The following NXPE4 variants were observed in gnomAD, a reference collection of about 807,000 sequenced individuals.
The protein encoded by NXPE4 is NXPE family member 4.
In NXPE4, 42 loss-of-function variants were observed where a neutral mutation model predicts 33.3. That is an observed-to-expected ratio of 1.26 (90% CI 0.98 to 1.63). The LOEUF (loss-of-function observed/expected upper bound fraction) is 1.63. NXPE4 is among the 40% of genes most tolerant of loss of function. The pLI is 0.00. For synonymous variants in NXPE4, 253 were observed against 234.9 expected (o/e 1.08, Z -0.71); for missense variants, 709 against 647.6 (o/e 1.09, Z -1.03).
the NXPE4 span, among the ~76,000 whole-genome samples, chr11:114,646,285 A>AT: frequency 2.6e-5 from 4 of 151,580 alleles, no homozygotes; most frequent in African/African-American, 7.3e-5. Flanking sequence ...TTTTTCAAGA[A>AT]TTTTTTTCAT....
chr11:114,596,810 TG>T (rs1949577524), upstream of NXPE4, among the ~76,000 whole-genome samples: 1 of 152,200 alleles, frequency 6.6e-6, no homozygotes, highest in Non-Finnish European at 1.5e-5. Flanking sequence ...GATTTTAATT[TG>T]GTTTGGTCAC....
At chr11:114,610,990 C>A in the NXPE4 span, among the ~76,000 whole-genome samples, 2 of 151,326 alleles carry the variant, frequency 1.3e-5, no homozygotes, top group Admixed American at 6.6e-5. Flanking sequence ...ACCACTGTTA[C>A]CCACTGGATA....
the NXPE4 span, among the ~76,000 whole-genome samples, chr11:114,608,848 G>A: frequency 6.6e-6 from 1 of 151,784 alleles, no homozygotes; most frequent in Non-Finnish European, 1.5e-5. Flanking sequence ...AATAAGTGTT[G>A]CCTTGTGGGT....
chr11:114,617,160 C>A, the NXPE4 span, among the ~76,000 whole-genome samples: 173 of 151,828 alleles, frequency 1.1e-3, no homozygotes, highest in Non-Finnish European at 2.1e-3. Flanking sequence ...TTGTGGGTAA[C>A]CATTGTTACC....
chr11:114,596,523 A>G (rs1949574748), upstream of NXPE4, among the ~76,000 whole-genome samples: 1 of 152,164 alleles, frequency 6.6e-6, no homozygotes, highest in Non-Finnish European at 1.5e-5. Context: ...CAGTTTCACA[A>G]CTGGTCTACT....
Position 114,570,970 on chromosome 11 carries a change from G to A in NXPE4, c.1603C>T (p.Gln535Ter). 2 of 1,608,714 alleles carry A rather than the reference G, an allele frequency of 1.2e-6. No individual in the cohort carries two copies. The highest frequency in any genetic ancestry group is 1.1e-5 in the South Asian group (1 of 90,566). ...ATATAGTTTAATAATATATTAATCT[G>A]ATTTCCGACTACATGTTGAGGTGGG... ...VHPPQHVVGN[Q>*]INILLNYIC Residue 535 changes from glutamine to a stop codon, truncating the protein, a stop_gained, in exon 6 of 6, where the codon CAG becomes TAG. Transcript: ENST00000375478. LOFTEE classifies it high-confidence loss of function.
At chr11:114,599,316 G>A (rs1949612655), upstream of NXPE4, among the ~76,000 whole-genome samples, 1 of 152,058 alleles carries the variant, frequency 6.6e-6, no homozygotes, top group East Asian at 1.9e-4. Flanking sequence ...GGACTTCATT[G>A]TCCATATCAC....
rs537084499 is a variant in NXPE4, at chr11:114,589,360, TC to T, written c.96+5303del. On this transcript the variant is annotated intron_variant, in intron 2 of 5. Transcript: ENST00000375478. ...CTGAAGGAAGGAAGGTGGACCTCCT[TC>T]TGGACACCAGAGCCAGCCTCTTTTC... is the stretch of plus-strand genomic sequence containing the variant. Among the ~76,000 whole-genome samples, 57 of 152,214 alleles carry T rather than the reference TC, an allele frequency of 3.7e-4. No individual in the cohort carries two copies. In the South Asian group the frequency reaches 0.011, roughly 29 times the overall value.
chr11:114,598,508 G>A (rs1045232926), upstream of NXPE4, among the ~76,000 whole-genome samples: 1 of 152,340 alleles, frequency 6.6e-6, no homozygotes, highest in African/African-American at 2.4e-5. Context: ...CTTCTGCCTG[G>A]ACATATAGGC....
At chr11:114,634,072 T>C in the NXPE4 span, among the ~76,000 whole-genome samples, 101,463 of 150,776 alleles carry the variant, frequency 0.67, 34,525 homozygotes, top group African/African-American at 0.75. Context: ...AGTTTACAGT[T>C]CCACCAACAG....
the NXPE4 span, among the ~76,000 whole-genome samples, chr11:114,639,277 C>A: frequency 6.6e-6 from 1 of 151,330 alleles, no homozygotes; most frequent in Admixed American, 6.6e-5. Context: ...GAGCCAGGTG[C>A]AGGATATAAT....
chr11:114,605,567 CG>C, the NXPE4 span, among the ~76,000 whole-genome samples: 1 of 150,422 alleles, frequency 6.6e-6, no homozygotes, highest in Non-Finnish European at 1.5e-5. Context: ...CACTGTTACC[CG>C]GTGGATAATA....
At chr11:114,670,828 A>C in the NXPE4 span, among the ~76,000 whole-genome samples, 12 of 152,002 alleles carry the variant, frequency 7.9e-5, no homozygotes, top group Admixed American at 4.6e-4. Context: ...AGACATGCAA[A>C]GAAACAGGAG....
the NXPE4 span, among the ~76,000 whole-genome samples, chr11:114,611,413 A>G: frequency 6.6e-6 from 1 of 150,812 alleles, no homozygotes; most frequent in African/African-American, 2.4e-5. Flanking sequence ...AGTGGATAAT[A>G]AGTATTGCCT....
the NXPE4 span, among the ~76,000 whole-genome samples, chr11:114,632,053 A>T: frequency 7.0e-6 from 1 of 142,626 alleles, no homozygotes; most frequent in Non-Finnish European, 1.5e-5. Flanking sequence ...ATAATTTAAT[A>T]ATATGTAAGA....
chr11:114,591,249 A>G (rs1049173241), intron 2 of NXPE4, among the ~76,000 whole-genome samples: 5 of 152,206 alleles, frequency 3.3e-5, no homozygotes, highest in Admixed American at 2.6e-4. Context: ...TAAGCAAGGG[A>G]AAGGTAGCTA....
At chr11:114,597,152 T>C (rs907887219), upstream of NXPE4, among the ~76,000 whole-genome samples, 6 of 152,150 alleles carry the variant, frequency 3.9e-5, no homozygotes, top group Admixed American at 3.9e-4. Flanking sequence ...ATTGTAACCC[T>C]GGTATAACCA....
chr11:114,651,051 A>G, the NXPE4 span, among the ~76,000 whole-genome samples: 1 of 152,024 alleles, frequency 6.6e-6, no homozygotes, highest in Non-Finnish European at 1.5e-5. Context: ...TGAAGGTAAT[A>G]ATATAATAGC....
chr11:114,648,948 C>CAAA, the NXPE4 span, among the ~76,000 whole-genome samples: 13 of 151,830 alleles, frequency 8.6e-5, no homozygotes, highest in African/African-American at 2.2e-4. Flanking sequence ...TAAGAGGAAA[C>CAAA]AAAAAAATAT....
Sources: allele counts gnomAD v4.1 joint callset (sites outside exome capture counted in the v4.1 genomes callset), GRCh38; gene constraint gnomAD v4.1.1; transcripts MANE v1.5; gene names NCBI Gene and HGNC (gene_info 2026-07-23, HGNC 2026-07-21).